The following CSMD1 variants were observed in gnomAD, a reference collection of about 807,000 sequenced individuals.
The protein encoded by CSMD1 is CUB and sushi domain-containing protein 1.
Under a neutral mutation model 417.5 loss-of-function variants are expected in CSMD1, and 213 were observed. That is an observed-to-expected ratio of 0.51 (90% CI 0.46 to 0.57). The LOEUF (loss-of-function observed/expected upper bound fraction) is 0.57. Ranked by LOEUF, CSMD1 falls within the 20% of genes least tolerant of loss-of-function variation. The pLI is 0.00. For missense variants in CSMD1, 6,923 were observed against 4,529.7 expected (o/e 1.53, Z -15.17); for synonymous variants, 2,862 against 1,736.8 (o/e 1.65, Z -16.11).
At chr8:4,305,806 G>C (rs1037156778) in intron 3 of CSMD1, among the ~76,000 whole-genome samples, 3 of 152,120 alleles carry the variant, frequency 2.0e-5, no homozygotes, top group African/African-American at 7.2e-5. Flanking sequence ...GATTTCAAAA[G>C]CAGGAAAACA....
chr8:4,638,919 C>T (rs1173666834), intron 1 of CSMD1, among the ~76,000 whole-genome samples: 1 of 152,196 alleles, frequency 6.6e-6, no homozygotes, highest in Non-Finnish European at 1.5e-5. Flanking sequence ...TCTCAGGTGA[C>T]TCCCAGACTG....
intron 3 of CSMD1, among the ~76,000 whole-genome samples, chr8:4,329,551 T>G (rs1238956838): frequency 6.6e-6 from 1 of 152,068 alleles, no homozygotes; most frequent in South Asian, 2.1e-4. Context: ...GCCTCCCAAA[T>G]TGCTTGGATT....
rs553007618 is a variant in CSMD1 at position 4,491,201 on chromosome 8, C to A, written c.303-71136G>T. ...TACATGTACTGCTGAACTTAAAATA[C>A]AAGTTAAAATAAATAGATACAACTT... is the stretch of plus-strand genomic sequence containing the variant. On this transcript the variant is annotated intron_variant, in intron 2 of 69. Transcript: ENST00000635120. Among the ~76,000 whole-genome samples, 161 of 151,966 alleles carry A rather than the reference C, an allele frequency of 1.1e-3. 3 individuals carry two copies. Among genetic ancestry groups the A allele is most frequent in the Non-Finnish European group, 3.4e-4 (23 of 67,942 alleles).
intron 2 of CSMD1, among the ~76,000 whole-genome samples, chr8:4,423,009 G>C (rs566375013): frequency 6.6e-6 from 1 of 151,974 alleles, no homozygotes; most frequent in Non-Finnish European, 1.5e-5. Flanking sequence ...AGTAACATAT[G>C]ATTGGAAGGA....
chr8:4,934,587 G>A (rs532603668), intron 1 of CSMD1, among the ~76,000 whole-genome samples: 4 of 152,150 alleles, frequency 2.6e-5, no homozygotes, highest in South Asian at 2.1e-4. Context: ...AAGGACACAG[G>A]CCCAATATAA....
chr8:3,436,106 CA>C (rs1481586070), intron 12 of CSMD1, among the ~76,000 whole-genome samples: 1 of 152,184 alleles, frequency 6.6e-6, no homozygotes, highest in Non-Finnish European at 1.5e-5. Flanking sequence ...GAGGCTCCCT[CA>C]CTCTCCAGCC....
chr8:4,184,583 C>T (rs1011071878), intron 3 of CSMD1, among the ~76,000 whole-genome samples: 1 of 151,698 alleles, frequency 6.6e-6, no homozygotes, highest in East Asian at 1.9e-4. Flanking sequence ...GAGCTGTAGA[C>T]CATTATCTTT....
chr8:3,084,760 C>A (rs1290481590), intron 49 of CSMD1, among the ~76,000 whole-genome samples: 1 of 151,808 alleles, frequency 6.6e-6, no homozygotes, highest in Non-Finnish European at 1.5e-5. Context: ...TTTATAATTC[C>A]TTCCCAATGG....
At chr8:4,820,581 C>T (rs753285987) in intron 1 of CSMD1, among the ~76,000 whole-genome samples, 1 of 152,052 alleles carries the variant, frequency 6.6e-6, no homozygotes, top group African/African-American at 2.4e-5. Flanking sequence ...CAAAGAAATG[C>T]GTGAAAACAA....
chr8:4,637,620 A>G (rs1802905880), intron 1 of CSMD1, 62 bp from the exon 2 acceptor site: 8 of 971,630 alleles, frequency 8.2e-6, no homozygotes. Context: ...CTGTGATTTA[A>G]AAAATTTCTA....
chr8:4,612,577 G>A (rs920803423), intron 2 of CSMD1, among the ~76,000 whole-genome samples: 13 of 152,148 alleles, frequency 8.5e-5, no homozygotes, highest in African/African-American at 2.9e-4. Flanking sequence ...TGGAATGAAT[G>A]TGTGCCTGGA....
intron 5 of CSMD1, among the ~76,000 whole-genome samples, chr8:3,758,080 C>T (rs1584952768): frequency 6.6e-6 from 1 of 152,114 alleles, no homozygotes; most frequent in Non-Finnish European, 1.5e-5. Context: ...TCTCCTGCCT[C>T]AGCCTCCTGA....
chr8:3,875,981 C>G (rs1274309927), intron 5 of CSMD1, among the ~76,000 whole-genome samples: 1 of 150,562 alleles, frequency 6.6e-6, no homozygotes, highest in African/African-American at 2.5e-5. Flanking sequence ...TGCGAAGGGC[C>G]ACATGTCTTA....
At chr8:3,094,082 G>GT (rs1815134203) in intron 47 of CSMD1, among the ~76,000 whole-genome samples, 1 of 95,782 alleles carries the variant, frequency 1.0e-5, no homozygotes, top group Admixed American at 1.0e-4. Context: ...AGAGTTTTAG[G>GT]GTTTTTTTTA....
At chr8:3,513,839 G>T (rs1203139334) in intron 10 of CSMD1, among the ~76,000 whole-genome samples, 1 of 152,184 alleles carries the variant, frequency 6.6e-6, no homozygotes, top group Non-Finnish European at 1.5e-5. Flanking sequence ...CTGCATTGCA[G>T]ATTTGGAGAG....
At chr8:4,021,903 C>T (rs1796806685) in intron 4 of CSMD1, among the ~76,000 whole-genome samples, 1 of 151,916 alleles carries the variant, frequency 6.6e-6, no homozygotes, top group African/African-American at 2.4e-5. Flanking sequence ...ACAAACTACC[C>T]CAGATCATCA....
intron 2 of CSMD1, among the ~76,000 whole-genome samples, chr8:4,535,820 G>C (rs1055072761): frequency 6.6e-6 from 1 of 152,098 alleles, no homozygotes; most frequent in Admixed American, 6.5e-5. Flanking sequence ...TTTCTTTAAA[G>C]GAAATACATC....
At chr8:4,149,490 C>G (rs1796454152) in intron 3 of CSMD1, among the ~76,000 whole-genome samples, 1 of 152,196 alleles carries the variant, frequency 6.6e-6, no homozygotes, top group Non-Finnish European at 1.5e-5. Flanking sequence ...ATTACTCTAT[C>G]TGGAATCTTG....
At chr8:3,379,450 A>C (rs1810501033) in intron 18 of CSMD1, among the ~76,000 whole-genome samples, 1 of 152,202 alleles carries the variant, frequency 6.6e-6, no homozygotes, top group Non-Finnish European at 1.5e-5. Context: ...ATGAATCCTA[A>C]GCCAAAAGAA....
Sources: gnomAD v4.1 joint callset for allele counts (sites outside exome capture counted in the v4.1 genomes callset) on GRCh38, gnomAD v4.1.1 for gene constraint, MANE v1.5 for transcripts, NCBI Gene and HGNC (gene_info 2026-07-23, HGNC 2026-07-21) for gene names.